RANBP2: variants seen among roughly 807,000 people sequenced by gnomAD.
The protein encoded by RANBP2 is RAN binding protein 2, also known as E3 SUMO-protein ligase RanBP2.
In RANBP2, 57 loss-of-function variants were observed where a neutral mutation model predicts 303.6. That is an observed-to-expected ratio of 0.19 (90% confidence interval 0.15 to 0.23). RANBP2 has a LOEUF of 0.23. Among genes scored for constraint, RANBP2 ranks in the 10% least tolerant of loss-of-function variants. The pLI, the probability that RANBP2 is intolerant of heterozygous loss-of-function variation, is 1.00. For missense variants in RANBP2, 3,138 were observed against 3,780.8 expected, an observed-to-expected ratio of 0.83 and a Z score of 4.46; for synonymous variants, 1,167 against 1,301.5, an observed-to-expected ratio of 0.90 and a Z score of 2.23.
chr2:108,849,615 C>T, the RANBP2 span, among the ~76,000 whole-genome samples: 1 of 152,116 alleles, frequency 6.6e-6, no homozygotes, highest in Non-Finnish European at 1.5e-5. Context: ...AGGTTCCTGC[C>T]TAACAGATAC....
At chr2:109,564,591 CTAAG>C in the RANBP2 span, 10 of 1,386,510 alleles carry the variant, frequency 7.2e-6, no homozygotes, top group African/African-American at 2.9e-5. Flanking sequence ...TGGCACACAA[CTAAG>C]TGTTTGCTGA....
chr2:109,548,907 T>C, the RANBP2 span, among the ~76,000 whole-genome samples: 2 of 151,518 alleles, frequency 1.3e-5, no homozygotes, highest in Admixed American at 1.3e-4. Context: ...AAATATGGAA[T>C]AGGTTGTCCT....
chr2:109,155,447 C>T, the RANBP2 span, among the ~76,000 whole-genome samples: 4 of 152,058 alleles, frequency 2.6e-5, no homozygotes, highest in African/African-American at 4.8e-5. Flanking sequence ...GGACTACAGG[C>T]GCCCACCACC....
At chr2:109,588,770 C>T in the RANBP2 span, among the ~76,000 whole-genome samples, 4 of 148,622 alleles carry the variant, frequency 2.7e-5, no homozygotes, top group African/African-American at 7.4e-5. Flanking sequence ...GGATTACAGG[C>T]GTGAGCCACC....
At chr2:109,448,914 T>TC in the RANBP2 span, among the ~76,000 whole-genome samples, 1 of 152,146 alleles carries the variant, frequency 6.6e-6, no homozygotes. Flanking sequence ...CTGTTTTAGC[T>TC]CCACCTGAGG....
chr2:109,312,037 C>T, the RANBP2 span, among the ~76,000 whole-genome samples: 3 of 142,130 alleles, frequency 2.1e-5, no homozygotes, highest in South Asian at 2.2e-4. Flanking sequence ...GCGTTGTGGC[C>T]GGTGTAGCAG....
chr2:109,407,982 C>T, the RANBP2 span, among the ~76,000 whole-genome samples: 9,914 of 152,190 alleles, frequency 0.065, 698 homozygotes, highest in African/African-American at 0.17. Flanking sequence ...ACCAGATCCA[C>T]GGGTTTCTGC....
chr2:109,143,248 G>A, the RANBP2 span, among the ~76,000 whole-genome samples: 3 of 152,190 alleles, frequency 2.0e-5, no homozygotes, highest in African/African-American at 7.2e-5. Flanking sequence ...TAAATAAAAA[G>A]TGAGTCAATT....
the RANBP2 span, among the ~76,000 whole-genome samples, chr2:108,924,012 G>A: frequency 2.6e-5 from 4 of 152,362 alleles, no homozygotes; most frequent in African/African-American, 7.2e-5. Context: ...CAATGCAGGT[G>A]GCCCTCATGA....
chr2:108,893,080 A>G, the RANBP2 span, among the ~76,000 whole-genome samples: 1 of 152,222 alleles, frequency 6.6e-6, no homozygotes, highest in Non-Finnish European at 1.5e-5. Flanking sequence ...AGGGTCACCT[A>G]ATTCCTCATG....
In RANBP2 at chr2:108,730,737, A is replaced by G. The variant is rs1210760540; in HGVS notation, c.141-37A>G. 3 of 1,602,652 alleles carry G rather than the reference A, an allele frequency of 1.9e-6. No individual in the cohort carries two copies. The South Asian group carries it at 3.3e-5, about 18-fold the overall frequency. ...GGTTAGCATTTAAAAGTACAGTTCT[A>G]AGTTTAATTTACTTTTGTATTACTT... On this transcript the variant is annotated intron_variant, in intron 2 of 28. Coordinates refer to ENST00000283195, the MANE Select transcript of RANBP2 (RefSeq NM_006267.5).
At chr2:109,247,771 A>G in the RANBP2 span, among the ~76,000 whole-genome samples, 2 of 152,198 alleles carry the variant, frequency 1.3e-5, no homozygotes, top group Admixed American at 6.5e-5. Context: ...GCTTAAAATA[A>G]TACCTTTTTA....
the RANBP2 span, among the ~76,000 whole-genome samples, chr2:109,177,301 A>G: frequency 6.6e-6 from 1 of 152,190 alleles, no homozygotes; most frequent in Non-Finnish European, 1.5e-5. Flanking sequence ...AGCCCAATGC[A>G]TGGTGATTTT....
chr2:109,061,642 G>A, the RANBP2 span, among the ~76,000 whole-genome samples: 6 of 152,158 alleles, frequency 3.9e-5, no homozygotes, highest in African/African-American at 1.2e-4. Context: ...GCAATAATAA[G>A]TGCAATAATA....
intron 4 of RANBP2, among the ~76,000 whole-genome samples, chr2:108,733,752 C>G (rs934436573): frequency 4.0e-5 from 6 of 151,898 alleles, no homozygotes; most frequent in Admixed American, 2.6e-4. Context: ...ATAGGAGATT[C>G]TTTTCTTGCA....
chr2:109,161,850 A>G, the RANBP2 span, among the ~76,000 whole-genome samples: 6 of 151,946 alleles, frequency 3.9e-5, no homozygotes, highest in Middle Eastern at 6.8e-3. Context: ...CCCGTCCAAC[A>G]TTGGGGATCA....
chr2:109,252,953 T>TA, the RANBP2 span, among the ~76,000 whole-genome samples: 3 of 152,214 alleles, frequency 2.0e-5, no homozygotes, highest in Non-Finnish European at 4.4e-5. Flanking sequence ...TCAATCACCC[T>TA]ATTCTTCTTG....
chr2:109,140,247 C>T, the RANBP2 span, among the ~76,000 whole-genome samples: 1 of 152,218 alleles, frequency 6.6e-6, no homozygotes, highest in African/African-American at 2.4e-5. Context: ...GTTTGGAGTT[C>T]TCTCTCTTCC....
the RANBP2 span, among the ~76,000 whole-genome samples, chr2:109,036,753 G>A: frequency 6.6e-6 from 1 of 152,108 alleles, no homozygotes; most frequent in African/African-American, 2.4e-5. Context: ...CATGCCTGTA[G>A]TCCCAACACT....
Sources: allele counts gnomAD v4.1 joint callset (sites outside exome capture counted in the v4.1 genomes callset), GRCh38; gene constraint gnomAD v4.1.1; transcripts MANE v1.5; gene names NCBI Gene and HGNC (gene_info 2026-07-23, HGNC 2026-07-21).